MDGA2: variants seen among roughly 807,000 people sequenced by gnomAD.
MDGA2 encodes MAM domain-containing glycosylphosphatidylinositol anchor protein 2.
A neutral mutation model predicts 117.8 loss-of-function variants in MDGA2; 40 were observed. The observed-to-expected ratio is 0.34, with a 90% CI of 0.26 to 0.44. The LOEUF is 0.44. MDGA2 is among the 20% of genes least tolerant of loss of function. MDGA2 has a pLI of 1.00. For synonymous variants in MDGA2, 452 were observed against 439.0 expected (o/e 1.03, Z -0.37); for missense variants, 1,123 against 1,250.6 (o/e 0.90, Z 1.54).
At chr14:47,360,831 G>A (rs1891104486) in intron 1 of MDGA2, among the ~76,000 whole-genome samples, 1 of 152,048 alleles carries the variant, frequency 6.6e-6, no homozygotes, top group Non-Finnish European at 1.5e-5. Context: ...TAAGTGTCAG[G>A]TGGATGAACC....
intron 1 of MDGA2, among the ~76,000 whole-genome samples, chr14:47,422,469 T>C (rs1892599594): frequency 6.6e-6 from 1 of 152,128 alleles, no homozygotes; most frequent in Non-Finnish European, 1.5e-5. Flanking sequence ...ATGAGAGAAC[T>C]GCCAGGATAT....
intron 1 of MDGA2, among the ~76,000 whole-genome samples, chr14:47,369,690 C>T (rs1447137424): frequency 6.6e-6 from 1 of 151,900 alleles, no homozygotes; most frequent in Non-Finnish European, 1.5e-5. Flanking sequence ...ATGATTTTTT[C>T]CCATCAATAT....
At chr14:47,491,657 T>C (rs542776332) in intron 1 of MDGA2, among the ~76,000 whole-genome samples, 1 of 152,266 alleles carries the variant, frequency 6.6e-6, no homozygotes, top group African/African-American at 2.4e-5. Flanking sequence ...GTATCCCAGA[T>C]ATACAGCCAT....
intron 1 of MDGA2, among the ~76,000 whole-genome samples, chr14:47,548,718 C>T (rs1895514624): frequency 6.6e-6 from 1 of 152,136 alleles, no homozygotes; most frequent in African/African-American, 2.4e-5. Context: ...TTAAGGTCTT[C>T]TGAATTCCTT....
intron 3 of MDGA2, among the ~76,000 whole-genome samples, chr14:47,188,489 A>G (rs569852389): frequency 6.2e-4 from 95 of 152,272 alleles, no homozygotes; most frequent in African/African-American, 2.0e-3. Flanking sequence ...CCCCGAGTCA[A>G]ACTTCTCCTA....
intron 12 of MDGA2, among the ~76,000 whole-genome samples, chr14:46,877,269 G>A (rs1383841482): frequency 1.3e-5 from 2 of 151,438 alleles, no homozygotes; most frequent in Non-Finnish European, 1.5e-5. Flanking sequence ...TCAATATTTA[G>A]GAAAATCTAT....
intron 8 of MDGA2, among the ~76,000 whole-genome samples, chr14:47,008,111 T>C (rs982709166): frequency 6.6e-6 from 1 of 151,864 alleles, no homozygotes; most frequent in Non-Finnish European, 1.5e-5. Flanking sequence ...TATTCCATAA[T>C]GGATAAATAT....
chr14:47,600,222 C>T (rs1386419815), intron 1 of MDGA2, among the ~76,000 whole-genome samples: 2 of 151,784 alleles, frequency 1.3e-5, no homozygotes, highest in East Asian at 1.9e-4. Context: ...ATGGTGAAAC[C>T]CTGTCTGCAC....
chr14:46,870,130 T>G (rs1329048888), intron 14 of MDGA2, among the ~76,000 whole-genome samples: 1 of 151,968 alleles, frequency 6.6e-6, no homozygotes, highest in East Asian at 1.9e-4. Flanking sequence ...TTGGGGAAAT[T>G]TGTTATATTG....
chr14:46,989,501 T>A (rs965839157), intron 8 of MDGA2, among the ~76,000 whole-genome samples: 2 of 152,204 alleles, frequency 1.3e-5, no homozygotes, highest in Non-Finnish European at 2.9e-5. Flanking sequence ...GCTAGAATTA[T>A]ACAATGCTAG....
intron 1 of MDGA2, among the ~76,000 whole-genome samples, chr14:47,315,451 T>C (rs1889776225): frequency 6.6e-6 from 1 of 152,146 alleles, no homozygotes; most frequent in Admixed American, 6.6e-5. Flanking sequence ...TAAGTGACTT[T>C]CTTGGCAGGG....
chr14:47,079,560 G>A (rs1890622651), intron 6 of MDGA2, among the ~76,000 whole-genome samples: 1 of 151,896 alleles, frequency 6.6e-6, no homozygotes, highest in Admixed American at 6.6e-5. Flanking sequence ...AAATTTTAGT[G>A]ATAAGAATAG....
rs760988571 is a variant in MDGA2 at position 46,882,211 on chromosome 14, T to C, written c.2249A>G (p.Gln750Arg). 1.2e-6 allele frequency: 2 copies of C among 1,608,908 alleles called. No individual in the cohort carries two copies. The highest frequency in any genetic ancestry group is 1.7e-6 in the Non-Finnish European group (2 of 1,177,338). ...TTTAATCTCCTGCTCCCACCAGCGC[T>C]GCTGTCCAGCCTGAAATCAAAACAA... is the stretch of plus-strand genomic sequence containing the variant. Reference protein sequence around the residue: ...YRLGIRQAGQQRWWEQEIKIN... With the variant: ...YRLGIRQAGQRRWWEQEIKIN... Residue 750 changes from glutamine (Q) to arginine (R), a missense_variant, in exon 11 of 17, where the codon CAG becomes CGG. Coordinates refer to ENST00000399232, the MANE Select transcript of MDGA2 (RefSeq NM_001113498.3).
intron 1 of MDGA2, among the ~76,000 whole-genome samples, chr14:47,582,951 T>C (rs1375148941): frequency 1.3e-5 from 2 of 151,924 alleles, no homozygotes; most frequent in Admixed American, 6.6e-5. Flanking sequence ...GTACATCTTA[T>C]CGTGAATGCC....
At chr14:47,132,559 C>T (rs958145643) in intron 4 of MDGA2, among the ~76,000 whole-genome samples, 12 of 151,588 alleles carry the variant, frequency 7.9e-5, no homozygotes, top group Admixed American at 6.6e-5. Context: ...TCTTGATGAA[C>T]CAAGAAAGAC....
chr14:46,929,649 A>AT lies in MDGA2; in HGVS notation c.2090-9490dup, dbSNP rs1180832509. ...TATATATATATATATATATATATAC[A>AT]TTTTTTTTTTTTTTTTTTCGAGATG... On this transcript the variant is annotated intron_variant, in intron 9 of 16. Transcript: ENST00000399232. Among the ~76,000 whole-genome samples, 28 of 13,684 alleles carry AT rather than the reference A, an allele frequency of 2.0e-3. 2 individuals are homozygous for AT. Among genetic ancestry groups the AT allele is most frequent in the Middle Eastern group, 0.031 (1 of 32 alleles). 9.0% of individuals were successfully genotyped at this position (13,684 alleles called of 152,430 possible). A position where few individuals can be genotyped will look rare whatever the true frequency, so the allele number is the denominator to read the frequency against.
At chr14:47,395,064 A>C (rs905512336) in intron 1 of MDGA2, among the ~76,000 whole-genome samples, 2 of 152,144 alleles carry the variant, frequency 1.3e-5, no homozygotes, top group African/African-American at 2.4e-5. Context: ...CTGAGGCAGG[A>C]GGACAGTTTG....
intron 8 of MDGA2, among the ~76,000 whole-genome samples, chr14:46,999,635 A>G (rs1887431578): frequency 1.3e-5 from 2 of 152,106 alleles, no homozygotes; most frequent in African/African-American, 4.8e-5. Flanking sequence ...AAATATTTAA[A>G]GTATTGACTA....
chr14:46,869,153 C>T (rs189835990), intron 14 of MDGA2, among the ~76,000 whole-genome samples: 1 of 152,024 alleles, frequency 6.6e-6, no homozygotes. Context: ...CCTGTTTACT[C>T]CATAGTGGAA....
Sources: allele counts gnomAD v4.1 joint callset (sites outside exome capture counted in the v4.1 genomes callset), GRCh38; gene constraint gnomAD v4.1.1; transcripts MANE v1.5; gene names NCBI Gene and HGNC (gene_info 2026-07-23, HGNC 2026-07-21).